The following VSTM4 variants were observed in gnomAD, a reference collection of about 807,000 sequenced individuals.
The protein encoded by VSTM4 is V-set and transmembrane domain containing 4.
A neutral mutation model predicts 36.4 loss-of-function variants in VSTM4; 20 were observed. The ratio of observed to expected loss-of-function variants is 0.55; its 90% CI spans 0.39 to 0.80. The LOEUF (loss-of-function observed/expected upper bound fraction) is 0.80, where lower values mean the gene tolerates loss of function less well. Ranked by LOEUF, VSTM4 falls within the 30% of genes least tolerant of loss-of-function variation. The pLI, the probability that VSTM4 is intolerant of heterozygous loss-of-function variation, is 0.00. For missense variants in VSTM4, 392 were observed against 404.5 expected, an observed-to-expected ratio of 0.97 and a Z score of 0.26; for synonymous variants, 182 against 173.9, an observed-to-expected ratio of 1.05 and a Z score of -0.37.
At chr10:49,072,103 G>A (rs933192781) in intron 4 of VSTM4, among the ~76,000 whole-genome samples, 5 of 152,184 alleles carry the variant, frequency 3.3e-5, no homozygotes, top group African/African-American at 1.2e-4. Context: ...GGGATCTTTG[G>A]ACACACATGG....
At chr10:49,063,025 C>CT (rs141666556) in intron 5 of VSTM4, among the ~76,000 whole-genome samples, 271 of 138,848 alleles carry the variant, frequency 2.0e-3, no homozygotes, top group Middle Eastern at 3.9e-3. Flanking sequence ...ATGATTGAAT[C>CT]TTTTTTTTTT....
chr10:49,106,868 A>C (rs1424908464), intron 2 of VSTM4, among the ~76,000 whole-genome samples: 1 of 152,238 alleles, frequency 6.6e-6, no homozygotes, highest in Non-Finnish European at 1.5e-5. Context: ...TAATGGCTCA[A>C]GGCCACATGC....
intron 2 of VSTM4, among the ~76,000 whole-genome samples, chr10:49,094,106 T>A (rs1844528579): frequency 6.6e-6 from 1 of 152,186 alleles, no homozygotes; most frequent in Admixed American, 6.5e-5. Context: ...TAAGTACACC[T>A]TACCAGGACT....
chr10:49,033,337 G>A (rs1468166761), intron 7 of VSTM4, among the ~76,000 whole-genome samples: 4 of 152,170 alleles, frequency 2.6e-5, no homozygotes, highest in Non-Finnish European at 4.4e-5. Flanking sequence ...TTGGCACACA[G>A]AAATGGATTT....
chr10:49,019,820 A>G (rs753416159), intron 7 of VSTM4, 45 bp from the exon 8 acceptor site: 3 of 1,591,682 alleles, frequency 1.9e-6, no homozygotes, highest in South Asian at 1.1e-5. Flanking sequence ...AGCTGACCAC[A>G]GGAGCTCTAC....
intron 1 of VSTM4, among the ~76,000 whole-genome samples, chr10:49,112,094 C>T (rs1339317452): frequency 4.6e-5 from 7 of 152,164 alleles, no homozygotes; most frequent in African/African-American, 1.7e-4. Context: ...CCCACTGTGG[C>T]CCAACAGCCA....
intron 7 of VSTM4, among the ~76,000 whole-genome samples, chr10:49,023,515 T>G (rs2131931413): frequency 6.6e-6 from 1 of 152,310 alleles, no homozygotes; most frequent in Non-Finnish European, 1.5e-5. Flanking sequence ...AAACTGGTGG[T>G]AAAACCAAGA....
At chr10:49,040,703 C>G (rs1324119564) in intron 7 of VSTM4, among the ~76,000 whole-genome samples, 1 of 152,202 alleles carries the variant, frequency 6.6e-6, no homozygotes, top group African/African-American at 2.4e-5. Flanking sequence ...AAAAGATTCC[C>G]ACTTGTTAAC....
intron 4 of VSTM4, among the ~76,000 whole-genome samples, chr10:49,073,590 G>T (rs1163549604): frequency 6.6e-6 from 1 of 152,184 alleles, no homozygotes; most frequent in Non-Finnish European, 1.5e-5. Flanking sequence ...ATGGACCTGG[G>T]AATAATCAGC....
At chr10:49,082,809 C>T (rs1844304173) in intron 3 of VSTM4, among the ~76,000 whole-genome samples, 1 of 152,258 alleles carries the variant, frequency 6.6e-6, no homozygotes, top group Non-Finnish European at 1.5e-5. Flanking sequence ...GGCATCACTG[C>T]CATTTTTAGA....
At chr10:49,101,653 A>C (rs118120947) in intron 2 of VSTM4, among the ~76,000 whole-genome samples, 4,329 of 152,358 alleles carry the variant, frequency 0.028, 144 homozygotes, top group Non-Finnish European at 0.032. Flanking sequence ...TCAGAGTATA[A>C]ATTTGTAAAG....
At position 49,016,050 on chromosome 10, in the gene VSTM4, G is replaced by A. The variant is rs1463303297; in HGVS notation, c.*3600C>T. ...GGCAGCAGGACACACGGTGCAGCAG[G>A]AGCTCAGGGGCTGCAATGCAGCCAC... On this transcript the variant is annotated 3_prime_UTR_variant, in exon 8 of 8. Coordinates refer to ENST00000332853, the MANE Select transcript of VSTM4 (RefSeq NM_001031746.5). 2 of 152,276 alleles carry A rather than the reference G, an allele frequency of 1.3e-5. No individual in the cohort carries two copies. Among genetic ancestry groups the A allele is most frequent in the Non-Finnish European group, 2.9e-5 (2 of 68,084 alleles). The allele number at this position is 152,276 out of a possible 1,614,324, so 9.4% of individuals were successfully genotyped here.
intron 5 of VSTM4, among the ~76,000 whole-genome samples, chr10:49,053,632 T>A (rs150534562): frequency 2.6e-5 from 4 of 152,320 alleles, no homozygotes; most frequent in African/African-American, 9.6e-5. Context: ...AGGGTACAGG[T>A]GCAGTGTAGA....
At chr10:49,066,333 T>G (rs1238971705) in intron 4 of VSTM4, among the ~76,000 whole-genome samples, 1 of 152,242 alleles carries the variant, frequency 6.6e-6, no homozygotes, top group African/African-American at 2.4e-5. Flanking sequence ...AGCAAATTAT[T>G]AACTAGGCAA....
intron 2 of VSTM4, chr10:49,104,004 CTG>C (rs2132021829): frequency 5.7e-6 from 4 of 698,254 alleles, no homozygotes; most frequent in Admixed American, 6.4e-5. Flanking sequence ...CCTTGTTGTT[CTG>C]TGTTTTTGTT....
chr10:49,089,292 T>C (rs1365713924), intron 2 of VSTM4, among the ~76,000 whole-genome samples: 1 of 152,172 alleles, frequency 6.6e-6, no homozygotes, highest in Non-Finnish European at 1.5e-5. Context: ...CTTTCACTTG[T>C]TTTATTCACT....
chr10:49,107,135 C>T (rs1844797341), intron 2 of VSTM4, among the ~76,000 whole-genome samples: 1 of 152,236 alleles, frequency 6.6e-6, no homozygotes, highest in Non-Finnish European at 1.5e-5. Context: ...CTCACCCCCA[C>T]TCACTCATTC....
chr10:49,100,745 T>G (rs1346306499), intron 2 of VSTM4, among the ~76,000 whole-genome samples: 1 of 152,184 alleles, frequency 6.6e-6, no homozygotes, highest in Non-Finnish European at 1.5e-5. Flanking sequence ...ACTGGGTAAG[T>G]GGATCCTCAA....
At chr10:49,089,209 G>A (rs1481454804) in intron 2 of VSTM4, among the ~76,000 whole-genome samples, 1 of 152,178 alleles carries the variant, frequency 6.6e-6, no homozygotes, top group South Asian at 2.1e-4. Context: ...AGGGGTTCAT[G>A]TGTGTGAAGT....
Sources: gnomAD v4.1 joint callset for allele counts (sites outside exome capture counted in the v4.1 genomes callset) on GRCh38, gnomAD v4.1.1 for gene constraint, MANE v1.5 for transcripts, NCBI Gene and HGNC (gene_info 2026-07-23, HGNC 2026-07-21) for gene names.